HPSE2: variants seen among roughly 807,000 people sequenced by gnomAD.
HPSE2 encodes the protein inactive heparanase-2.
In HPSE2, 38 loss-of-function variants were observed where a neutral mutation model predicts 60.5. The observed-to-expected ratio is 0.63, with a 90% CI of 0.48 to 0.82. The LOEUF (loss-of-function observed/expected upper bound fraction) is 0.82. Ranked by LOEUF, HPSE2 falls within the 40% of genes least tolerant of loss-of-function variation. HPSE2 has a pLI of 0.00. For missense variants in HPSE2, 713 were observed against 740.4 expected, an observed-to-expected ratio of 0.96 and a Z score of 0.43; for synonymous variants, 295 against 293.2, an observed-to-expected ratio of 1.01 and a Z score of -0.06.
chr10:99,205,181 C>T (rs961435271), intron 2 of HPSE2, among the ~76,000 whole-genome samples: 3 of 152,128 alleles, frequency 2.0e-5, no homozygotes, highest in Non-Finnish European at 4.4e-5. Context: ...GAAGCCCAGT[C>T]CCTACCAGTA....
chr10:99,212,713 A>T (rs1426298257), intron 2 of HPSE2, among the ~76,000 whole-genome samples: 1 of 152,196 alleles, frequency 6.6e-6, no homozygotes, highest in African/African-American at 2.4e-5. Flanking sequence ...CAAGAGATCT[A>T]CTGTACAACA....
chr10:98,747,804 A>G (rs531335813), intron 3 of HPSE2, among the ~76,000 whole-genome samples: 1 of 152,330 alleles, frequency 6.6e-6, no homozygotes, highest in South Asian at 2.1e-4. Flanking sequence ...TCACTTCTCC[A>G]GAGTGAACAA....
At chr10:98,712,146 A>T (rs1245077505) in intron 5 of HPSE2, among the ~76,000 whole-genome samples, 3 of 152,046 alleles carry the variant, frequency 2.0e-5, no homozygotes, top group African/African-American at 4.8e-5. Context: ...TAAAGTGTCA[A>T]ATCGAAGTCT....
chr10:99,288,289 T>C, the HPSE2 span, among the ~76,000 whole-genome samples: 1 of 152,194 alleles, frequency 6.6e-6, no homozygotes, highest in African/African-American at 2.4e-5. Context: ...TGGATGGTTC[T>C]GTTAAGCTCT....
chr10:99,097,544 T>C (rs1843760697), intron 3 of HPSE2, among the ~76,000 whole-genome samples: 3 of 152,176 alleles, frequency 2.0e-5, no homozygotes, highest in African/African-American at 4.8e-5. Flanking sequence ...ACTAAATTTT[T>C]AAAAGGTTAA....
chr10:99,152,310 CAAAA>C (rs1004063463), intron 2 of HPSE2, among the ~76,000 whole-genome samples: 2 of 54,034 alleles, frequency 3.7e-5, no homozygotes, highest in Non-Finnish European at 8.1e-5. Flanking sequence ...GACTCCACCT[CAAAA>C]AAAAAAAAAA....
chr10:99,075,298 G>C (rs1842920680), intron 3 of HPSE2, among the ~76,000 whole-genome samples: 4 of 151,960 alleles, frequency 2.6e-5, no homozygotes, highest in Admixed American at 2.6e-4. Flanking sequence ...TAGCTCTTCA[G>C]GGGTATGCTG....
intron 3 of HPSE2, among the ~76,000 whole-genome samples, chr10:99,097,884 G>A (rs868860647): frequency 2.1e-4 from 32 of 152,200 alleles, no homozygotes; most frequent in African/African-American, 5.3e-4. Flanking sequence ...CAGATCTTCC[G>A]CTTTCAAAAA....
intron 3 of HPSE2, among the ~76,000 whole-genome samples, chr10:98,988,240 A>T (rs1956422186): frequency 6.6e-6 from 1 of 152,292 alleles, no homozygotes; most frequent in South Asian, 2.1e-4. Flanking sequence ...CCTGACTTCA[A>T]ACTATACTAC....
intron 9 of HPSE2, among the ~76,000 whole-genome samples, chr10:98,504,611 C>A (rs1942135595): frequency 6.6e-6 from 1 of 152,032 alleles, no homozygotes; most frequent in Admixed American, 6.5e-5. Flanking sequence ...ACCATGAAAC[C>A]TCGTCTCTAC....
intron 3 of HPSE2, among the ~76,000 whole-genome samples, chr10:98,881,072 C>G (rs892132718): frequency 3.3e-5 from 5 of 152,178 alleles, no homozygotes; most frequent in African/African-American, 1.2e-4. Context: ...AATCCCTGCC[C>G]AGAAGTATAG....
intron 2 of HPSE2, among the ~76,000 whole-genome samples, chr10:99,200,285 G>A (rs1848532784): frequency 6.6e-6 from 1 of 152,048 alleles, no homozygotes; most frequent in South Asian, 2.1e-4. Context: ...CAAAGCGATA[G>A]GCACCTGGAA....
intron 9 of HPSE2, among the ~76,000 whole-genome samples, chr10:98,554,042 A>T (rs2133858630): frequency 6.6e-6 from 1 of 152,304 alleles, no homozygotes; most frequent in Non-Finnish European, 1.5e-5. Context: ...GGTTACAGGC[A>T]TGTCATGTCA....
chr10:99,135,247 C>A (rs1357864586), intron 3 of HPSE2, among the ~76,000 whole-genome samples: 1 of 152,126 alleles, frequency 6.6e-6, no homozygotes, highest in Non-Finnish European at 1.5e-5. Flanking sequence ...GACTCCCACA[C>A]AATAACAGTC....
rs1444625845 is a variant in HPSE2, at chr10:98,721,644, T to C, written c.956+13A>G. On this transcript the variant is annotated intron_variant, in intron 5 of 11. Coordinates refer to ENST00000370552, the MANE Select transcript of HPSE2 (RefSeq NM_021828.5). ...GAACAATGTCATAAGAAAAGCTAAA[T>C]AATCTGACCTACCCATCTAGGAGGG... is the stretch of plus-strand genomic sequence containing the variant. 6.2e-7 allele frequency: 1 copy of C among 1,611,930 alleles called. No individual in the cohort carries two copies. Among genetic ancestry groups the C allele is most frequent in the Non-Finnish European group, 8.5e-7 (1 of 1,178,746 alleles).
chr10:99,232,090 C>A (rs968964869), intron 2 of HPSE2, among the ~76,000 whole-genome samples: 3 of 152,060 alleles, frequency 2.0e-5, no homozygotes, highest in Non-Finnish European at 2.9e-5. Context: ...CTGGAGAACC[C>A]CCTTTGCGCA....
intron 3 of HPSE2, among the ~76,000 whole-genome samples, chr10:99,138,451 T>C (rs1564838261): frequency 6.6e-6 from 1 of 152,332 alleles, no homozygotes; most frequent in Admixed American, 6.5e-5. Flanking sequence ...CACATGTTTA[T>C]TGTGGCACTA....
At chr10:98,473,481 T>G (rs1940864867) in intron 11 of HPSE2, among the ~76,000 whole-genome samples, 1 of 85,814 alleles carries the variant, frequency 1.2e-5, no homozygotes, top group Non-Finnish European at 2.2e-5. Context: ...TGAGACTCTG[T>G]CTCAAAAAAA....
intron 6 of HPSE2, among the ~76,000 whole-genome samples, chr10:98,661,187 T>C (rs965523624): frequency 6.6e-6 from 1 of 152,188 alleles, no homozygotes; most frequent in Non-Finnish European, 1.5e-5. Context: ...GAAATAATTA[T>C]CTCCTTCAAA....
Sources: allele counts gnomAD v4.1 joint callset (sites outside exome capture counted in the v4.1 genomes callset), GRCh38; gene constraint gnomAD v4.1.1; transcripts MANE v1.5; gene names NCBI Gene and HGNC (gene_info 2026-07-23, HGNC 2026-07-21).